Variants in PSAT1 observed in about 807,000 individuals in gnomAD.
PSAT1 encodes phosphoserine aminotransferase.
In PSAT1, 41 loss-of-function variants were observed where a neutral mutation model predicts 40.3. The ratio of observed to expected loss-of-function variants is 1.02; its 90% CI spans 0.79 to 1.32. The LOEUF (loss-of-function observed/expected upper bound fraction) is 1.32, where lower values mean the gene tolerates loss of function less well. PSAT1 is among the 40% of genes most tolerant of loss of function. The pLI is 0.00. For missense variants in PSAT1, 406 were observed against 455.8 expected, an observed-to-expected ratio of 0.89 and a Z score of 0.99; for synonymous variants, 147 against 170.5, an observed-to-expected ratio of 0.86 and a Z score of 1.07.
intron 7 of PSAT1, among the ~76,000 whole-genome samples, chr9:78,319,335 C>T (rs574194165): frequency 1.3e-5 from 2 of 152,344 alleles, no homozygotes; most frequent in Admixed American, 1.3e-4. Flanking sequence ...GAGCTCTTGA[C>T]ATGCAGTGGC....
chr9:78,304,381 C>T (rs1345562204), intron 3 of PSAT1, among the ~76,000 whole-genome samples: 1 of 152,194 alleles, frequency 6.6e-6, no homozygotes, highest in Non-Finnish European at 1.5e-5. Flanking sequence ...CATTGGCCAG[C>T]CTGGGGCAGG....
chr9:78,326,934 A>AATATATATATAT (rs1210919066), intron 7 of PSAT1, among the ~76,000 whole-genome samples: 18 of 104,528 alleles, frequency 1.7e-4, no homozygotes, highest in African/African-American at 5.4e-4. Flanking sequence ...AAGTGACAGC[A>AATATATATATAT]ATATATATAT....
intron 6 of PSAT1, among the ~76,000 whole-genome samples, chr9:78,314,113 G>A (rs1055768966): frequency 1.3e-5 from 2 of 152,232 alleles, no homozygotes; most frequent in African/African-American, 4.8e-5. Context: ...GGGAAGAATT[G>A]AGACCACTCT....
chr9:78,297,819 C>T (rs75008689), intron 1 of PSAT1, among the ~76,000 whole-genome samples: 6 of 152,002 alleles, frequency 3.9e-5, no homozygotes, highest in Admixed American at 3.3e-4. Context: ...CGTGTGCGTG[C>T]CCCCCTACGC....
intron 7 of PSAT1, among the ~76,000 whole-genome samples, chr9:78,327,151 T>G (rs1189753627): frequency 3.3e-5 from 5 of 150,440 alleles, no homozygotes; most frequent in African/African-American, 4.9e-5. Flanking sequence ...TCAGTCGAGA[T>G]GGGGTTTCAC....
chr9:78,299,765 C>T (rs1005264264), intron 1 of PSAT1, among the ~76,000 whole-genome samples: 10 of 152,138 alleles, frequency 6.6e-5, no homozygotes, highest in Admixed American at 2.0e-4. Flanking sequence ...CCCGCCTTGG[C>T]CTCCCAAAGT....
chr9:78,310,958 A>G (rs1828258735), intron 6 of PSAT1, among the ~76,000 whole-genome samples: 2 of 152,142 alleles, frequency 1.3e-5, no homozygotes, highest in Admixed American at 6.5e-5. Flanking sequence ...CTGCTTGGTC[A>G]CACGATGCAG....
At position 78,328,685 on chromosome 9, in the gene PSAT1, G is replaced by A. The variant is rs12379053; in HGVS notation, c.1008-296G>A. 0.1 allele frequency among the ~76,000 whole-genome samples: 15,562 copies of A among 152,186 alleles called. 1,286 individuals carry two copies. Among genetic ancestry groups the A allele is most frequent in the African/African-American group, 0.21 (8,685 of 41,488 alleles). On this transcript the variant is annotated intron_variant, in intron 8 of 8. Coordinates refer to ENST00000376588, the MANE Select transcript of PSAT1 (RefSeq NM_058179.4). ...AGGCTCATGAATGTTGAACAGAATCGCTATCTTCTTCCAACTTACCTTTTC... is the reference window on the plus strand; with the variant it reads ...AGGCTCATGAATGTTGAACAGAATCACTATCTTCTTCCAACTTACCTTTTC...
rs752713646 is a variant in PSAT1 at position 78,317,848 on chromosome 9, T to C, written c.869+44T>C. 6 of 1,588,494 alleles carry C rather than the reference T, an allele frequency of 3.8e-6. No homozygotes were observed. The African/African-American group carries it at 8.1e-5, about 21-fold the overall frequency. On this transcript the variant is annotated intron_variant, in intron 7 of 8. Transcript: ENST00000376588. Reference sequence around the variant, plus strand: ...TCTCCTATTTTGCCTCTTGTGAATTTAAAACTGTGTATATACTGTGTACCT... The same window carrying C: ...TCTCCTATTTTGCCTCTTGTGAATTCAAAACTGTGTATATACTGTGTACCT...
At chr9:78,300,789 C>A in intron 2 of PSAT1, 127 bp downstream of exon 2, 1 of 1,373,676 alleles carries the variant, frequency 7.3e-7, no homozygotes, top group South Asian at 1.6e-5. Flanking sequence ...GATCATAGTT[C>A]ACTGCAGCCT....
chr9:78,325,304 C>T (rs969752264), intron 7 of PSAT1, among the ~76,000 whole-genome samples: 1 of 152,194 alleles, frequency 6.6e-6, no homozygotes, highest in Non-Finnish European at 1.5e-5. Flanking sequence ...TTCTTCACCC[C>T]CCAGTCTCTC....
chr9:78,308,612 C>T (rs1194459247), intron 6 of PSAT1, 29 bp downstream of exon 6: 12 of 1,611,728 alleles, frequency 7.4e-6, no homozygotes. Context: ...CTTGTGGACC[C>T]AGGGAGGGGT....
intron 3 of PSAT1, among the ~76,000 whole-genome samples, chr9:78,302,884 T>A (rs1828128949): frequency 6.6e-6 from 1 of 152,186 alleles, no homozygotes; most frequent in Non-Finnish European, 1.5e-5. Flanking sequence ...AGACGAAATC[T>A]CCTGGGTTAT....
rs1828272564 is a variant in PSAT1, at chr9:78,311,829, G to GA, written c.740+3250dup. Among the ~76,000 whole-genome samples, 3 of 151,368 alleles carry GA rather than the reference G, an allele frequency of 2.0e-5. No individual in the cohort carries two copies. The South Asian group carries it at 6.3e-4, about 32-fold the overall frequency. On this transcript the variant is annotated intron_variant, in intron 6 of 8. Coordinates refer to ENST00000376588, the MANE Select transcript of PSAT1 (RefSeq NM_058179.4). Reference sequence around the variant, plus strand: ...CCTGGGTGACAGAGTGAGACTGTCTGAAAACAAAAACAAAAACAAAAACAA... The same window carrying GA: ...CCTGGGTGACAGAGTGAGACTGTCTGAAAAACAAAAACAAAAACAAAAACAA...
rs532307654 is a variant in PSAT1 at position 78,298,828 on chromosome 9, C to A, written c.60+1558C>A. ...GCTTTCAAACTTCTTTTGACTGTAA[C>A]CTACAGTGAAAAACATGTTTACAAA... is the stretch of plus-strand genomic sequence containing the variant. On this transcript the variant is annotated intron_variant, in intron 1 of 8. Coordinates refer to ENST00000376588, the MANE Select transcript of PSAT1 (RefSeq NM_058179.4). 5.9e-5 allele frequency among the ~76,000 whole-genome samples: 9 copies of A among 151,954 alleles called. No individual in the cohort carries two copies. The South Asian group carries it at 1.5e-3, about 25-fold the overall frequency.
chr9:78,317,463 CT>C (rs1473375803), intron 6 of PSAT1, among the ~76,000 whole-genome samples: 2 of 152,216 alleles, frequency 1.3e-5, no homozygotes, highest in Admixed American at 6.5e-5. Context: ...GTTGCCTAGG[CT>C]GCTTTCCAAC....
chr9:78,300,279 A>T (rs1378739214), intron 1 of PSAT1, among the ~76,000 whole-genome samples: 1 of 152,176 alleles, frequency 6.6e-6, no homozygotes, highest in Non-Finnish European at 1.5e-5. Flanking sequence ...CCAGAACTTT[A>T]TGCATTCTTT....
chr9:78,323,410 A>G (rs550647733), intron 7 of PSAT1, among the ~76,000 whole-genome samples: 1 of 151,328 alleles, frequency 6.6e-6, no homozygotes, highest in East Asian at 1.9e-4. Flanking sequence ...CGTCTCTACA[A>G]ATAATAATAA....
chr9:78,306,185 T>A, intron 4 of PSAT1, 129 bp from the exon 5 acceptor site: 1 of 985,874 alleles, frequency 1.0e-6, no homozygotes, highest in Non-Finnish European at 1.6e-6. Context: ...CTTTCACTCG[T>A]GCAATGCTTT....
Sources: allele counts gnomAD v4.1 joint callset (sites outside exome capture counted in the v4.1 genomes callset), GRCh38; gene constraint gnomAD v4.1.1; transcripts MANE v1.5; gene names NCBI Gene and HGNC (gene_info 2026-07-23, HGNC 2026-07-21).